RBFOX1: variants seen among roughly 807,000 people sequenced by gnomAD.
The protein encoded by RBFOX1 is RNA binding fox-1 homolog 1, also known as RNA binding protein fox-1 homolog 1.
Under a neutral mutation model 57.7 loss-of-function variants are expected in RBFOX1, and 8 were observed. The observed-to-expected ratio is 0.14, with a 90% CI of 0.08 to 0.25. RBFOX1 has a LOEUF of 0.25. Among genes scored for constraint, RBFOX1 ranks in the 10% least tolerant of loss-of-function variants. The probability of loss-of-function intolerance (pLI) is 1.00; values close to 1 mark genes in which losing one functional copy is unlikely to be tolerated. For synonymous variants in RBFOX1, 326 were observed against 222.4 expected (o/e 1.47, Z -4.15); for missense variants, 611 against 548.5 (o/e 1.11, Z -1.14).
At chr16:5,561,708 C>T (rs182970754) in intron 2 of RBFOX1, among the ~76,000 whole-genome samples, 1 of 152,090 alleles carries the variant, frequency 6.6e-6, no homozygotes, top group African/African-American at 2.4e-5. Context: ...TATCTTATCT[C>T]CAGGAGGGTC....
At chr16:7,012,954 G>T (rs1421439180) in intron 3 of RBFOX1, among the ~76,000 whole-genome samples, 1 of 152,168 alleles carries the variant, frequency 6.6e-6, no homozygotes, top group Non-Finnish European at 1.5e-5. Flanking sequence ...GTGGTTGGCA[G>T]ATGGCCACCT....
chr16:5,784,077 C>T (rs1318262234), intron 3 of RBFOX1, among the ~76,000 whole-genome samples: 1 of 152,160 alleles, frequency 6.6e-6, no homozygotes. Context: ...GAGGCCTCTG[C>T]TTGGCTTCTA....
chr16:6,500,619 A>G (rs773098367), intron 2 of RBFOX1, among the ~76,000 whole-genome samples: 1 of 152,186 alleles, frequency 6.6e-6, no homozygotes, highest in East Asian at 1.9e-4. Flanking sequence ...GCCAAGGTGA[A>G]GAGGCAATTG....
chr16:5,783,218 A>G (rs1346295853), intron 3 of RBFOX1, among the ~76,000 whole-genome samples: 1 of 152,252 alleles, frequency 6.6e-6, no homozygotes, highest in Non-Finnish European at 1.5e-5. Context: ...GCTCTTGAAG[A>G]TACAGTTCAG....
intron 3 of RBFOX1, among the ~76,000 whole-genome samples, chr16:6,919,619 A>T (rs1470400008): frequency 6.6e-6 from 1 of 152,148 alleles, no homozygotes; most frequent in Non-Finnish European, 1.5e-5. Flanking sequence ...TCGAACAAGT[A>T]TCTGGAAATT....
chr16:6,922,786 A>G (rs959730826), intron 3 of RBFOX1, among the ~76,000 whole-genome samples: 4 of 152,176 alleles, frequency 2.6e-5, no homozygotes, highest in African/African-American at 9.7e-5. Context: ...TGAGTAATAA[A>G]TCAGGAGGTC....
chr16:5,317,861 C>A (rs2151239972), intron 1 of RBFOX1, among the ~76,000 whole-genome samples: 1 of 152,210 alleles, frequency 6.6e-6, no homozygotes, highest in African/African-American at 2.4e-5. Context: ...TGACAGCTAC[C>A]ACTATTTATT....
intron 1 of RBFOX1, among the ~76,000 whole-genome samples, chr16:5,253,006 T>G (rs1026220004): frequency 4.6e-5 from 7 of 152,220 alleles, no homozygotes; most frequent in African/African-American, 1.7e-4. Flanking sequence ...TGTGCCTGAT[T>G]CATCAGCGTG....
intron 3 of RBFOX1, among the ~76,000 whole-genome samples, chr16:7,031,434 A>C (rs1023271935): frequency 6.6e-6 from 1 of 152,036 alleles, no homozygotes; most frequent in African/African-American, 2.4e-5. Context: ...CGTCTCTACT[A>C]AAAATACAAA....
chr16:7,087,155 A>G (rs891220460), intron 4 of RBFOX1, among the ~76,000 whole-genome samples: 3 of 152,154 alleles, frequency 2.0e-5, no homozygotes, highest in African/African-American at 7.2e-5. Flanking sequence ...ATTTAAAGAG[A>G]TAAAGGGGAA....
At chr16:6,677,666 C>G (rs936902083) in intron 3 of RBFOX1, among the ~76,000 whole-genome samples, 1 of 152,254 alleles carries the variant, frequency 6.6e-6, no homozygotes, top group South Asian at 2.1e-4. Context: ...TTGGGCTGTT[C>G]CAAAGTTGGA....
chr16:7,295,776 A>G (rs1437309652), intron 4 of RBFOX1, among the ~76,000 whole-genome samples: 1 of 152,124 alleles, frequency 6.6e-6, no homozygotes, highest in Non-Finnish European at 1.5e-5. Flanking sequence ...TCCATATTTC[A>G]GGTGGCCTTG....
intron 4 of RBFOX1, among the ~76,000 whole-genome samples, chr16:7,188,182 A>G (rs916267801): frequency 4.6e-5 from 7 of 152,234 alleles, no homozygotes; most frequent in Admixed American, 1.3e-4. Flanking sequence ...CCAGAGGTAT[A>G]AATACGATGG....
At chr16:5,310,135 T>C (rs2064045519) in intron 1 of RBFOX1, among the ~76,000 whole-genome samples, 1 of 152,114 alleles carries the variant, frequency 6.6e-6, no homozygotes, top group South Asian at 2.1e-4. Flanking sequence ...GTAAAAAGTG[T>C]GGACTTTGAT....
chr16:5,807,722 C>G (rs1396206709), intron 3 of RBFOX1, among the ~76,000 whole-genome samples: 2 of 152,138 alleles, frequency 1.3e-5, no homozygotes, highest in Non-Finnish European at 2.9e-5. Flanking sequence ...CGGTGCATCA[C>G]AAACTTTAAC....
intron 1 of RBFOX1, among the ~76,000 whole-genome samples, chr16:5,309,061 A>G (rs1159502990): frequency 2.0e-5 from 3 of 152,002 alleles, no homozygotes; most frequent in Non-Finnish European, 4.4e-5. Context: ...CTTCCTGTCA[A>G]CTTCTTTAAA....
intron 3 of RBFOX1, among the ~76,000 whole-genome samples, chr16:6,720,437 G>A (rs2065754129): frequency 6.6e-6 from 1 of 152,070 alleles, no homozygotes; most frequent in South Asian, 2.1e-4. Flanking sequence ...CCCACTCTCA[G>A]GTAGTTCTTT....
chr16:6,430,928 C>G (rs1054659398), intron 2 of RBFOX1, among the ~76,000 whole-genome samples: 2 of 140,976 alleles, frequency 1.4e-5, no homozygotes, highest in Non-Finnish European at 3.0e-5. Context: ...GCCAGGAGTT[C>G]GAGACCGGCA....
At chr16:7,376,181 G>T (rs1267240135) in intron 4 of RBFOX1, among the ~76,000 whole-genome samples, 1 of 152,162 alleles carries the variant, frequency 6.6e-6, no homozygotes, top group Non-Finnish European at 1.5e-5. Flanking sequence ...ATGTTTATGA[G>T]CTATGTCAAT....
Sources: allele counts gnomAD v4.1 joint callset (sites outside exome capture counted in the v4.1 genomes callset), GRCh38; gene constraint gnomAD v4.1.1; transcripts MANE v1.5; gene names NCBI Gene and HGNC (gene_info 2026-07-23, HGNC 2026-07-21).